Variants in NYAP2 observed in about 807,000 individuals in gnomAD.
NYAP2 encodes the protein neuronal tyrosine-phosphorylated phosphoinositide-3-kinase adapter 2.
Under a neutral mutation model 50.4 loss-of-function variants are expected in NYAP2, and 23 were observed. The observed-to-expected ratio is 0.46, with a 90% CI of 0.33 to 0.65. NYAP2 has a LOEUF of 0.65. NYAP2 is among the 30% of genes least tolerant of loss of function. The pLI, the probability that NYAP2 is intolerant of heterozygous loss-of-function variation, is 0.02. For synonymous variants in NYAP2, 394 were observed against 365.2 expected, an observed-to-expected ratio of 1.08 and a Z score of -0.90; for missense variants, 885 against 861.0, an observed-to-expected ratio of 1.03 and a Z score of -0.35.
At chr2:225,640,841 G>A (rs961347153) in intron 6 of NYAP2, among the ~76,000 whole-genome samples, 1 of 152,046 alleles carries the variant, frequency 6.6e-6, no homozygotes, top group African/African-American at 2.4e-5. Context: ...CTAAACACAT[G>A]CATACAGTAT....
chr2:225,508,495 T>A (rs1427681730), intron 3 of NYAP2, among the ~76,000 whole-genome samples: 1 of 152,170 alleles, frequency 6.6e-6, no homozygotes, highest in Non-Finnish European at 1.5e-5. Context: ...GCAGACACCA[T>A]GACAGAGTTA....
downstream of NYAP2, among the ~76,000 whole-genome samples, chr2:225,656,295 C>T (rs755437575): frequency 6.6e-6 from 1 of 152,190 alleles, no homozygotes; most frequent in Non-Finnish European, 1.5e-5. Context: ...TGCGTCCTCA[C>T]CACCCAGGAC....
chr2:225,556,870 C>CATA (rs2106213257), intron 4 of NYAP2, among the ~76,000 whole-genome samples: 1 of 152,258 alleles, frequency 6.6e-6, no homozygotes, highest in East Asian at 1.9e-4. Context: ...TATAATTATG[C>CATA]ATAACAGTCA....
intron 4 of NYAP2, among the ~76,000 whole-genome samples, chr2:225,526,210 T>G (rs1574658942): frequency 6.6e-6 from 1 of 152,208 alleles, no homozygotes; most frequent in Non-Finnish European, 1.5e-5. Flanking sequence ...GTAAAGGTAT[T>G]GATTTTTAAG....
At chr2:225,584,318 G>A (rs1180742227) in intron 5 of NYAP2, among the ~76,000 whole-genome samples, 1 of 152,182 alleles carries the variant, frequency 6.6e-6, no homozygotes, top group Non-Finnish European at 1.5e-5. Flanking sequence ...CACTAAGGTG[G>A]TGAACATTAC....
chr2:225,421,700 C>A (rs2894560), intron 3 of NYAP2, among the ~76,000 whole-genome samples: 120,479 of 152,190 alleles, frequency 0.79, 47,900 homozygotes, highest in Non-Finnish European at 0.82. Context: ...ATAAAGTATT[C>A]TCTCCGGCCT....
chr2:225,575,792 T>C (rs762915661), intron 4 of NYAP2, among the ~76,000 whole-genome samples: 10 of 152,202 alleles, frequency 6.6e-5, no homozygotes, highest in Non-Finnish European at 1.3e-4. Flanking sequence ...CTGGAGACTG[T>C]CAGCCAGATG....
chr2:225,518,442 T>C (rs1432048296), intron 4 of NYAP2, among the ~76,000 whole-genome samples: 4 of 147,878 alleles, frequency 2.7e-5, no homozygotes, highest in Non-Finnish European at 4.5e-5. Context: ...ATGGTAACTA[T>C]ACTTAATAAC....
intron 3 of NYAP2, among the ~76,000 whole-genome samples, chr2:225,472,636 T>C (rs1690030597): frequency 1.3e-5 from 2 of 152,182 alleles, no homozygotes; most frequent in African/African-American, 4.8e-5. Flanking sequence ...GTAAAAATCA[T>C]AGGAAGTTCA....
chr2:225,587,906 C>T (rs1439993066), intron 5 of NYAP2, among the ~76,000 whole-genome samples: 2 of 151,300 alleles, frequency 1.3e-5, no homozygotes. Context: ...TAAACCTCAT[C>T]TTTTAGCCTT....
At chr2:225,528,805 T>C (rs1249826172) in intron 4 of NYAP2, among the ~76,000 whole-genome samples, 1 of 152,226 alleles carries the variant, frequency 6.6e-6, no homozygotes, top group Non-Finnish European at 1.5e-5. Context: ...CTGTGTACCT[T>C]TCTGATCTCT....
At chr2:225,420,135 C>A (rs1695192655) in intron 3 of NYAP2, among the ~76,000 whole-genome samples, 1 of 152,032 alleles carries the variant, frequency 6.6e-6, no homozygotes, top group Non-Finnish European at 1.5e-5. Flanking sequence ...TGTGTTGAAC[C>A]CACTCAGTGC....
chr2:225,550,350 G>T (rs1261570228), intron 4 of NYAP2, among the ~76,000 whole-genome samples: 1 of 151,410 alleles, frequency 6.6e-6, no homozygotes, highest in African/African-American at 2.4e-5. Context: ...ATTACAAAAA[G>T]ATAGAGTAAT....
At chr2:225,546,487 G>A (rs1691587077) in intron 4 of NYAP2, among the ~76,000 whole-genome samples, 2 of 151,982 alleles carry the variant, frequency 1.3e-5, no homozygotes, top group Non-Finnish European at 2.9e-5. Context: ...CACATGGTGG[G>A]TACTGTCAGG....
rs568638706 is a variant in NYAP2, at chr2:225,462,964, A to C, written c.222-50407A>C. Among the ~76,000 whole-genome samples, 9 of 152,362 alleles carry C rather than the reference A, an allele frequency of 5.9e-5. No homozygotes were observed. The East Asian group carries it at 1.7e-3, about 29-fold the overall frequency. On this transcript the variant is annotated intron_variant, in intron 3 of 6. Transcript: ENST00000636099. ...ACTAATGATCTGTAGCAGAAGATTC[A>C]AACCCAAATAACTTATACAGACCAG...
the NYAP2 span, among the ~76,000 whole-genome samples, chr2:225,690,703 A>G: frequency 6.6e-6 from 1 of 152,098 alleles, no homozygotes. Context: ...TGTAACTGAC[A>G]TATTTAGAAT....
At chr2:225,677,423 C>T in the NYAP2 span, among the ~76,000 whole-genome samples, 456 of 152,042 alleles carry the variant, frequency 3.0e-3, 3 homozygotes, top group African/African-American at 0.011. Flanking sequence ...TCTGATTTAC[C>T]CTGGCTAGGA....
chr2:225,521,363 G>A (rs1217599855), intron 4 of NYAP2, among the ~76,000 whole-genome samples: 49 of 150,882 alleles, frequency 3.2e-4, no homozygotes, highest in African/African-American at 1.2e-3. Flanking sequence ...GTTTTCAAAG[G>A]GAATGCTTCC....
intron 4 of NYAP2, among the ~76,000 whole-genome samples, chr2:225,541,418 T>C (rs188946300): frequency 5.0e-4 from 76 of 152,274 alleles, no homozygotes; most frequent in African/African-American, 1.8e-3. Flanking sequence ...GGTTTCATGA[T>C]TTGAGGTCTT....
Sources: gnomAD v4.1 joint callset for allele counts (sites outside exome capture counted in the v4.1 genomes callset) on GRCh38, gnomAD v4.1.1 for gene constraint, MANE v1.5 for transcripts, NCBI Gene and HGNC (gene_info 2026-07-23, HGNC 2026-07-21) for gene names.